DYRK4: variants seen among roughly 807,000 people sequenced by gnomAD.
DYRK4 encodes dual specificity tyrosine-phosphorylation-regulated kinase 4.
Under a neutral mutation model 68.3 loss-of-function variants are expected in DYRK4, and 64 were observed. That is an observed-to-expected ratio of 0.94 (90% CI 0.77 to 1.15). DYRK4 has a LOEUF of 1.15. DYRK4 is among the 50% of genes most tolerant of loss of function. DYRK4 has a pLI of 0.00. For missense variants in DYRK4, 740 were observed against 764.7 expected, an observed-to-expected ratio of 0.97 and a Z score of 0.38; for synonymous variants, 274 against 289.9, an observed-to-expected ratio of 0.95 and a Z score of 0.56.
At chr12:4,596,332 T>C (rs1417421662) in intron 7 of DYRK4, 47 bp downstream of exon 7, 1 of 1,610,166 alleles carries the variant, frequency 6.2e-7, no homozygotes, top group Non-Finnish European at 8.5e-7. Context: ...ACTGCGTGAC[T>C]GTGGCCCCTG....
intron 8 of DYRK4, 115 bp from the exon 9 acceptor site, chr12:4,598,913 T>G (rs1945048499): frequency 8.1e-7 from 1 of 1,234,322 alleles, no homozygotes; most frequent in Admixed American, 1.9e-5. Flanking sequence ...CCTCCTGGCC[T>G]GAGGCTTGCC....
chr12:4,603,132 C>G lies in DYRK4; in HGVS notation c.1127-1782C>G, dbSNP rs187659767. The G allele has an allele frequency of 1.8e-3, 2,565 of 1,409,228 alleles. 5 individuals are homozygous for G. Among genetic ancestry groups the G allele is most frequent in the Non-Finnish European group, 2.2e-3 (2,219 of 1,000,846 alleles). The allele number at this position is 1,409,228 out of a possible 1,614,324, so 87.3% of individuals were successfully genotyped here. A position where few individuals can be genotyped will look rare whatever the true frequency, so the allele number is the denominator to read the frequency against. ...TGGAAAGAGTTTTCACTATCTGAATCTGATATGGGATCCAAAGGTTGAATA... is the reference window on the plus strand; with the variant it reads ...TGGAAAGAGTTTTCACTATCTGAATGTGATATGGGATCCAAAGGTTGAATA... On this transcript the variant is annotated intron_variant, in intron 10 of 14. Coordinates refer to ENST00000543431, the MANE Select transcript of DYRK4 (RefSeq NM_001394779.1).
At chr12:4,584,806 C>T (rs1371108752) in intron 2 of DYRK4, among the ~76,000 whole-genome samples, 22 of 152,096 alleles carry the variant, frequency 1.4e-4, no homozygotes, top group Non-Finnish European at 2.6e-4. Flanking sequence ...CCACCCACCT[C>T]GGCCTCCCAA....
chr12:4,592,982 T>C lies in DYRK4; in HGVS notation c.464-20T>C, dbSNP rs759059511. 5.6e-6 allele frequency: 9 copies of C among 1,609,492 alleles called. No homozygotes were observed. Among genetic ancestry groups the C allele is most frequent in the East Asian group, 4.5e-5 (2 of 44,772 alleles). ...CATGCTGCCTCAACTGAACTCACAA[T>C]TGTAGTGTTTTTCACACAGAGGCCC... On this transcript the variant is annotated intron_variant, in intron 5 of 14. Transcript: ENST00000543431.
At position 4,596,168 on chromosome 12, in the gene DYRK4, C is replaced by A; in HGVS notation, c.647C>A (p.Ala216Asp). 6.2e-7 allele frequency: 1 copy of A among 1,614,198 alleles called. No individual in the cohort carries two copies. The highest frequency in any genetic ancestry group is 8.5e-7 in the Non-Finnish European group (1 of 1,180,028). ...CCACAGGTCCTGCATGATCACATTG[C>A]CTACCGCTATGAAGTTCTGGAGACA... ...FYLKVLHDHIAYRYEVLETIG... is the reference protein window; with the variant it reads ...FYLKVLHDHIDYRYEVLETIG... Residue 216 changes from alanine (A) to aspartate (D), a missense_variant, in exon 7 of 15, where the codon GCC becomes GAC. Physicochemically the swap from Ala to Asp is moderately radical, Grantham distance 126 (BLOSUM62 -2). Coordinates refer to ENST00000543431, the MANE Select transcript of DYRK4 (RefSeq NM_001394779.1).
At chr12:4,592,039 A>G (rs555702620) in intron 5 of DYRK4, among the ~76,000 whole-genome samples, 9 of 152,338 alleles carry the variant, frequency 5.9e-5, no homozygotes, top group Admixed American at 3.9e-4. Flanking sequence ...CCGAGCATCC[A>G]CTATGTGTGC....
Position 4,605,728 on chromosome 12 carries a change from G to GTTTTTTTTTTTTTTTTTTTTTTTTTTTT in DYRK4, c.1299+642_1299+643insTTTTTTTTTTTTTTTTTTTTTTTTTTTT. Among the ~76,000 whole-genome samples the GTTTTTTTTTTTTTTTTTTTTTTTTTTTT allele has an allele frequency of 2.9e-5, 2 of 68,938 alleles. 1 individual carries two copies. The highest frequency in any genetic ancestry group is 5.0e-5 in the Non-Finnish European group (2 of 40,230). 45.2% of individuals were successfully genotyped at this position (68,938 alleles called of 152,430 possible). ...GCTCTTAGAAAAATGAATAGAGCTGGGTTTTTTTTTTTTTTTTTTTTTTTT... is the reference window on the plus strand; with the variant it reads ...GCTCTTAGAAAAATGAATAGAGCTGGTTTTTTTTTTTTTTTTTTTTTTTTTTTTGTTTTTTTTTTTTTTTTTTTTTTTT... On this transcript the variant is annotated intron_variant, in intron 11 of 14. Coordinates refer to ENST00000543431, the MANE Select transcript of DYRK4 (RefSeq NM_001394779.1).
rs1295806315 is a variant in DYRK4 at position 4,604,995 on chromosome 12, G to T, written c.1208G>T (p.Trp403Leu). 2 of 1,614,056 alleles carry T rather than the reference G, an allele frequency of 1.2e-6. No homozygotes were observed. The highest frequency in any genetic ancestry group is 1.7e-6 in the Non-Finnish European group (2 of 1,179,930). Residue 403 changes from tryptophan to leucine, a missense_variant, in exon 11 of 15, where the codon TGG (tryptophan) becomes TTG (leucine). Trp to Leu is a moderately conservative substitution (Grantham distance 61). Around this residue, in one of 3 missense-constraint regions of DYRK4, gnomAD observed 614 missense variants for 603.7 expected, o/e 1.02. Coordinates refer to ENST00000543431, the MANE Select transcript of DYRK4 (RefSeq NM_001394779.1). ...GHPYDVAIDM[W>L]SLGCITAELY... ...CCCTACGACGTGGCCATTGACATGT[G>T]GAGCCTGGGCTGCATCACGGCGGAG...
chr12:4,581,586 C>T (rs1944842662), intron 2 of DYRK4, among the ~76,000 whole-genome samples: 1 of 152,150 alleles, frequency 6.6e-6, no homozygotes, highest in Admixed American at 6.5e-5. Flanking sequence ...GGAATAGAAG[C>T]CACTAAGAAC....
Position 4,567,993 on chromosome 12 carries a change from T to G in DYRK4, c.77T>G (p.Leu26Trp), listed in dbSNP as rs1386582303. The G allele has an allele frequency of 6.5e-7, 1 of 1,536,032 alleles. No homozygotes were observed. Among genetic ancestry groups the G allele is most frequent in the African/African-American group, 1.4e-5 (1 of 73,042 alleles). The stretch of plus-strand genomic sequence containing the variant: ...GCTAAAAAGCCAAGGAAATGTGATT[T>G]GACTCCCTTCCTGGTTTTGAAAGCA... The part of the protein sequence containing the change: ...MDAKKPRKCD[L>W]TPFLVLKARK... Residue 26 changes from leucine (L) to tryptophan (W), a missense_variant, in exon 2 of 15, where the codon TTG (leucine) becomes TGG (tryptophan). This residue lies in a region of DYRK4 where 70 missense variants were observed against 71.1 expected (regional missense o/e 0.98). Transcript: ENST00000543431.
intron 10 of DYRK4, chr12:4,602,181 AG>A (rs1945088798): frequency 4.0e-6 from 3 of 753,774 alleles, no homozygotes; most frequent in Non-Finnish European, 7.0e-6. Context: ...TTTTCAGAAA[AG>A]TTTTACTTAC....
chr12:4,590,140 C>T (rs1944936988), intron 3 of DYRK4, 190 bp from the exon 4 acceptor site: 1 of 1,346,486 alleles, frequency 7.4e-7, no homozygotes, highest in African/African-American at 1.5e-5. Context: ...ACCCAGAGCC[C>T]ATGTGTTTGT....
chr12:4,604,832 A>C, intron 10 of DYRK4, 82 bp from the exon 11 acceptor site: 3 of 1,446,262 alleles, frequency 2.1e-6, no homozygotes, highest in Non-Finnish European at 2.7e-6. Context: ...GGCGCAGTCT[A>C]ACTGAGAAGT....
intron 1 of DYRK4, among the ~76,000 whole-genome samples, chr12:4,565,035 C>T (rs1036696188): frequency 2.0e-5 from 3 of 152,166 alleles, no homozygotes; most frequent in African/African-American, 7.2e-5. Context: ...TGAGAATGGC[C>T]AAACTTTTGG....
At chr12:4,593,382 A>C (rs917567676) in intron 6 of DYRK4, among the ~76,000 whole-genome samples, 22 of 152,172 alleles carry the variant, frequency 1.4e-4, no homozygotes, top group Non-Finnish European at 2.9e-5. Context: ...ATGGAAGACT[A>C]ATTTTCCCCC....
Position 4,596,133 on chromosome 12 carries a change from G to C in DYRK4, c.628-16G>C, listed in dbSNP as rs368175377. 2.5e-6 allele frequency: 4 copies of C among 1,613,246 alleles called. No homozygotes were observed. The highest frequency in any genetic ancestry group is 3.4e-6 in the Non-Finnish European group (4 of 1,179,394). ...GCCCATGGCTTTGCTCTTCACCTCCGGCCTGGCTTCCACAGGTCCTGCATG... is the reference window on the plus strand; with the variant it reads ...GCCCATGGCTTTGCTCTTCACCTCCCGCCTGGCTTCCACAGGTCCTGCATG... On this transcript the variant is annotated splice_polypyrimidine_tract_variant and intron_variant, in intron 6 of 14. Transcript: ENST00000543431.
intron 2 of DYRK4, among the ~76,000 whole-genome samples, chr12:4,581,597 G>A (rs903181849): frequency 2.1e-4 from 32 of 152,306 alleles, no homozygotes; most frequent in Middle Eastern, 3.4e-3. Flanking sequence ...CACTAAGAAC[G>A]AGGAATGAGG....
At chr12:4,603,136 T>C in intron 10 of DYRK4, 3 of 1,407,764 alleles carry the variant, frequency 2.1e-6, no homozygotes, top group Non-Finnish European at 3.0e-6. Flanking sequence ...CTGAATCTGA[T>C]ATGGGATCCA....
At chr12:4,596,998 T>C (rs1244401846) in intron 8 of DYRK4, 4 of 1,295,992 alleles carry the variant, frequency 3.1e-6, no homozygotes, top group Non-Finnish European at 3.9e-6. Flanking sequence ...ACAAGGCCTC[T>C]TTCCTTAAGA....
Sources: gnomAD v4.1 joint callset for allele counts (sites outside exome capture counted in the v4.1 genomes callset) on GRCh38, gnomAD v4.1.1 for gene constraint, gnomAD v4.1.1 regional missense constraint, MANE v1.5 for transcripts, NCBI Gene and HGNC (gene_info 2026-07-23, HGNC 2026-07-21) for gene names.